ENOX1: variants seen among roughly 807,000 people sequenced by gnomAD.
ENOX1 encodes the protein candidate growth-related and time keeping constitutive hydroquinone (NADH) oxidase.
ENOX1 carries 42 observed loss-of-function variants against 82.5 expected under a neutral mutation model. That is an observed-to-expected ratio of 0.51 (90% CI 0.40 to 0.66). The LOEUF (loss-of-function observed/expected upper bound fraction) is 0.66. Among genes scored for constraint, ENOX1 ranks in the 30% least tolerant of loss-of-function variants. The pLI is 0.00. For synonymous variants in ENOX1, 271 were observed against 282.2 expected, an observed-to-expected ratio of 0.96 and a Z score of 0.40; for missense variants, 608 against 811.6, an observed-to-expected ratio of 0.75 and a Z score of 3.05.
chr13:43,219,070 C>T (rs191110777), intron 16 of ENOX1, among the ~76,000 whole-genome samples: 8 of 152,150 alleles, frequency 5.3e-5, no homozygotes, highest in Non-Finnish European at 1.2e-4. Flanking sequence ...TTACCCCTTT[C>T]CTCATCTCCT....
chr13:43,589,847 A>G (rs548167112), intron 2 of ENOX1, among the ~76,000 whole-genome samples: 18 of 150,472 alleles, frequency 1.2e-4, no homozygotes, highest in African/African-American at 2.7e-4. Context: ...TTAGTTGGCT[A>G]CTTATTGAAG....
At chr13:43,785,985 C>T (rs1952577885) in intron 1 of ENOX1, among the ~76,000 whole-genome samples, 1 of 152,082 alleles carries the variant, frequency 6.6e-6, no homozygotes, top group East Asian at 1.9e-4. Context: ...CGGCCGAGTC[C>T]GGCTGCCCCA....
intron 11 of ENOX1, among the ~76,000 whole-genome samples, chr13:43,310,063 C>T (rs1379174287): frequency 4.0e-5 from 6 of 151,844 alleles, no homozygotes; most frequent in East Asian, 1.9e-4. Flanking sequence ...ATTAGCCAGG[C>T]GTGGTGGCAC....
intron 1 of ENOX1, among the ~76,000 whole-genome samples, chr13:43,732,492 T>C (rs2089403406): frequency 6.6e-6 from 1 of 152,188 alleles, no homozygotes; most frequent in South Asian, 2.1e-4. Flanking sequence ...TACCAAGTCA[T>C]TGAAAAATAT....
chr13:43,224,306 G>A (rs910715407), intron 15 of ENOX1, among the ~76,000 whole-genome samples, 168 bp from the exon 16 acceptor site: 2 of 152,220 alleles, frequency 1.3e-5, no homozygotes, highest in Non-Finnish European at 2.9e-5. Flanking sequence ...AAGGCAGTAA[G>A]AGTAACATGG....
chr13:43,443,108 A>C (rs532003044), intron 3 of ENOX1, among the ~76,000 whole-genome samples: 1 of 152,260 alleles, frequency 6.6e-6, no homozygotes, highest in Admixed American at 6.5e-5. Flanking sequence ...CACTTGGAAA[A>C]ATGTTTTCTA....
intron 14 of ENOX1, 71 bp downstream of exon 14, chr13:43,265,327 A>G: frequency 7.7e-7 from 1 of 1,299,596 alleles, no homozygotes; most frequent in Non-Finnish European, 1.1e-6. Context: ...TGTGGTAGAT[A>G]AAGTGCTACA....
At chr13:43,314,074 T>C (rs182326023) in intron 11 of ENOX1, among the ~76,000 whole-genome samples, 7 of 152,298 alleles carry the variant, frequency 4.6e-5, no homozygotes, top group Admixed American at 3.3e-4. Context: ...TTCTTCCTAC[T>C]TCTCTGCTAG....
intron 10 of ENOX1, 66 bp from the exon 11 acceptor site, chr13:43,322,567 G>T: frequency 2.3e-6 from 3 of 1,278,034 alleles, no homozygotes; most frequent in Non-Finnish European, 3.3e-6. Context: ...ATGGTCTTTG[G>T]GTATATATGA....
intron 7 of ENOX1, among the ~76,000 whole-genome samples, chr13:43,357,541 A>G (rs781127427): frequency 5.3e-5 from 8 of 152,182 alleles, no homozygotes; most frequent in Non-Finnish European, 8.8e-5. Context: ...AGCAAAATGT[A>G]TCTTGGTTGT....
chr13:43,360,392 G>A (rs1003017171), intron 6 of ENOX1, among the ~76,000 whole-genome samples: 19 of 152,102 alleles, frequency 1.2e-4, no homozygotes, highest in African/African-American at 3.6e-4. Flanking sequence ...AAAACATGAC[G>A]AAATGACAAC....
chr13:43,424,645 G>A (rs778552359), intron 3 of ENOX1, among the ~76,000 whole-genome samples: 24 of 152,194 alleles, frequency 1.6e-4, no homozygotes, highest in African/African-American at 3.1e-4. Flanking sequence ...GACAGGGAGC[G>A]TTAGCAGAAC....
At chr13:43,511,105 C>T (rs1257050530) in intron 2 of ENOX1, among the ~76,000 whole-genome samples, 2 of 152,156 alleles carry the variant, frequency 1.3e-5, no homozygotes, top group African/African-American at 4.8e-5. Flanking sequence ...AATGGAGCTA[C>T]AGCTCAGTAA....
intron 3 of ENOX1, among the ~76,000 whole-genome samples, chr13:43,479,753 G>A (rs2058435793): frequency 6.6e-6 from 1 of 152,112 alleles, no homozygotes; most frequent in Non-Finnish European, 1.5e-5. Context: ...CCATCTTTCT[G>A]CCCATTTGGG....
chr13:43,695,703 C>A (rs1242459873), intron 1 of ENOX1, among the ~76,000 whole-genome samples: 1 of 152,154 alleles, frequency 6.6e-6, no homozygotes, highest in East Asian at 1.9e-4. Flanking sequence ...CCGCCTCAGC[C>A]TTCCAAAGTG....
intron 2 of ENOX1, among the ~76,000 whole-genome samples, chr13:43,611,218 C>T (rs1048097827): frequency 1.3e-5 from 2 of 152,122 alleles, no homozygotes; most frequent in Non-Finnish European, 2.9e-5. Context: ...GGGGAAACTG[C>T]CATCCCTTAA....
chr13:43,278,439 C>A (rs2045187157), intron 12 of ENOX1, among the ~76,000 whole-genome samples: 1 of 152,072 alleles, frequency 6.6e-6, no homozygotes, highest in Non-Finnish European at 1.5e-5. Flanking sequence ...AGACGATGAA[C>A]TAGAACTTGA....
intron 1 of ENOX1, among the ~76,000 whole-genome samples, chr13:43,784,260 CA>C (rs1396676499): frequency 6.6e-6 from 1 of 152,176 alleles, no homozygotes; most frequent in Non-Finnish European, 1.5e-5. Context: ...CTCCTACATA[CA>C]AACCCATCTA....
intron 2 of ENOX1, among the ~76,000 whole-genome samples, chr13:43,555,621 C>T (rs1407131483): frequency 6.6e-6 from 1 of 152,098 alleles, no homozygotes; most frequent in Non-Finnish European, 1.5e-5. Flanking sequence ...ACATCAAAGC[C>T]CCGACAGAGG....
Sources: gnomAD v4.1 joint callset for allele counts (sites outside exome capture counted in the v4.1 genomes callset) on GRCh38, gnomAD v4.1.1 for gene constraint, MANE v1.5 for transcripts, NCBI Gene and HGNC (gene_info 2026-07-23, HGNC 2026-07-21) for gene names.